IMPA2: variants seen among roughly 807,000 people sequenced by gnomAD.
IMPA2 encodes IMP 2.
IMPA2 carries 32 observed loss-of-function variants against 35.1 expected under a neutral mutation model. The ratio of observed to expected loss-of-function variants is 0.91; its 90% CI spans 0.69 to 1.23. IMPA2 has a LOEUF of 1.23. IMPA2 is among the 50% of genes most tolerant of loss of function. The pLI, the probability that IMPA2 is intolerant of heterozygous loss-of-function variation, is 0.00. For synonymous variants in IMPA2, 135 were observed against 160.6 expected (o/e 0.84, Z 1.20); for missense variants, 334 against 387.6 (o/e 0.86, Z 1.16).
chr18:11,992,520 A>G (rs62099892), intron 1 of IMPA2, among the ~76,000 whole-genome samples: 9,113 of 152,226 alleles, frequency 0.06, 364 homozygotes, highest in Non-Finnish European at 0.089. Flanking sequence ...TTAGCCTAGG[A>G]TGTCTCTGAA....
chr18:12,020,540 A>AT (rs1199646899), intron 5 of IMPA2, among the ~76,000 whole-genome samples: 1 of 151,844 alleles, frequency 6.6e-6, no homozygotes, highest in Non-Finnish European at 1.5e-5. Context: ...AGTTTTTAAT[A>AT]TTTTTTTTAT....
chr18:12,004,620 T>C (rs775542754), intron 2 of IMPA2, among the ~76,000 whole-genome samples: 1 of 150,820 alleles, frequency 6.6e-6, no homozygotes, highest in Non-Finnish European at 1.5e-5. Flanking sequence ...AACCTCCGCC[T>C]CCCGGGTTCA....
chr18:12,021,826 C>T (rs9635827), intron 5 of IMPA2: 17,891 of 152,146 alleles, frequency 0.12, 1,531 homozygotes, highest in East Asian at 0.42. Context: ...CTCATGAGTA[C>T]GTATTTCAGT....
intron 4 of IMPA2, among the ~76,000 whole-genome samples, chr18:12,013,293 G>A (rs1907484392): frequency 6.6e-6 from 1 of 152,204 alleles, no homozygotes; most frequent in Non-Finnish European, 1.5e-5. Flanking sequence ...GGAACCAGCC[G>A]AATTCTAGGA....
chr18:11,989,061 G>T (rs965682066), intron 1 of IMPA2, among the ~76,000 whole-genome samples: 1 of 152,094 alleles, frequency 6.6e-6, no homozygotes, highest in Non-Finnish European at 1.5e-5. Context: ...CCAAGCTGAC[G>T]GCAGAGATGC....
intron 1 of IMPA2, among the ~76,000 whole-genome samples, chr18:11,983,487 CAG>C (rs771800039): frequency 2.6e-5 from 4 of 152,104 alleles, no homozygotes; most frequent in Admixed American, 6.5e-5. Context: ...CTTGAAGAAA[CAG>C]AAGATTTTAA....
chr18:11,998,391 G>A (rs1056796043), intron 1 of IMPA2, among the ~76,000 whole-genome samples: 3 of 152,186 alleles, frequency 2.0e-5, no homozygotes, highest in Non-Finnish European at 4.4e-5. Flanking sequence ...CGGAGCCTGT[G>A]TCGGAGCTCA....
intron 2 of IMPA2, 46 bp downstream of exon 2, chr18:11,999,233 C>A: frequency 6.3e-7 from 1 of 1,578,600 alleles, no homozygotes; most frequent in Non-Finnish European, 8.6e-7. Context: ...CCTGGCCACA[C>A]TCATAGAGAA....
chr18:11,983,118 G>A (rs754209840), intron 1 of IMPA2, among the ~76,000 whole-genome samples: 1 of 151,432 alleles, frequency 6.6e-6, no homozygotes, highest in Non-Finnish European at 1.5e-5. Context: ...GCCTCAGACC[G>A]TAAAGAATGA....
At chr18:12,024,556 G>A (rs548914036) in intron 5 of IMPA2, among the ~76,000 whole-genome samples, 2 of 152,058 alleles carry the variant, frequency 1.3e-5, no homozygotes, top group African/African-American at 4.8e-5. Context: ...AAATAGGGTG[G>A]GATTAGACAA....
In IMPA2 at chr18:12,030,708, C is replaced by G; in HGVS notation, c.*250C>G. On this transcript the variant is annotated 3_prime_UTR_variant, in exon 8 of 8. Transcript: ENST00000269159. Reference sequence around the variant, plus strand: ...TTCAGGTTAGTACGTGTTCTTCTGTCAGGGCCAAAACTCAAATCTCCTGTG... The same window carrying G: ...TTCAGGTTAGTACGTGTTCTTCTGTGAGGGCCAAAACTCAAATCTCCTGTG... 1 of 473,136 alleles carries G rather than the reference C, an allele frequency of 2.1e-6. No homozygotes were observed. Among genetic ancestry groups the G allele is most frequent in the South Asian group, 2.9e-5 (1 of 34,788 alleles). The allele number at this position is 473,136 out of a possible 1,614,324, so 29.3% of individuals were successfully genotyped here.
At chr18:11,997,994 C>G (rs1190836641) in intron 1 of IMPA2, among the ~76,000 whole-genome samples, 1 of 152,032 alleles carries the variant, frequency 6.6e-6, no homozygotes, top group Non-Finnish European at 1.5e-5. Context: ...ATAGCAAGAC[C>G]CTGTCTCTTC....
intron 2 of IMPA2, among the ~76,000 whole-genome samples, chr18:12,003,686 A>T (rs1210884057): frequency 7.4e-6 from 1 of 135,076 alleles, no homozygotes; most frequent in Admixed American, 7.5e-5. Flanking sequence ...AAAAAAAAAA[A>T]GGCAGCATGG....
chr18:12,028,373 T>A (rs1184041496), intron 6 of IMPA2: 4 of 553,256 alleles, frequency 7.2e-6, no homozygotes, highest in African/African-American at 5.6e-5. Flanking sequence ...TTGCTTCTGA[T>A]CAGAATCCAT....
intron 2 of IMPA2, among the ~76,000 whole-genome samples, chr18:12,009,610 T>TGCTGG (rs1907375966): frequency 6.6e-6 from 1 of 152,166 alleles, no homozygotes; most frequent in African/African-American, 2.4e-5. Flanking sequence ...CGCTTGCATT[T>TGCTGG]CTCTGCCTGG....
At chr18:12,017,829 T>C (rs1301211145) in intron 5 of IMPA2, 4 of 341,380 alleles carry the variant, frequency 1.2e-5, no homozygotes, top group South Asian at 8.7e-5. Flanking sequence ...TGACCTCAAG[T>C]GAGCCTTTTG....
At chr18:12,005,681 A>G (rs1207220857) in intron 2 of IMPA2, among the ~76,000 whole-genome samples, 1 of 152,118 alleles carries the variant, frequency 6.6e-6, no homozygotes, top group Non-Finnish European at 1.5e-5. Flanking sequence ...TGGCGAATGA[A>G]CAGACAGAGC....
intron 1 of IMPA2, among the ~76,000 whole-genome samples, chr18:11,985,674 C>G: frequency 6.6e-6 from 1 of 152,158 alleles, no homozygotes; most frequent in East Asian, 1.9e-4. Context: ...CTGTGTCCAC[C>G]TCATGTGCTC....
intron 5 of IMPA2, among the ~76,000 whole-genome samples, chr18:12,014,799 A>G (rs1429777200): frequency 1.3e-5 from 2 of 152,234 alleles, no homozygotes; most frequent in Non-Finnish European, 1.5e-5. Context: ...AACTGGCTTC[A>G]GCTTCTGTGA....
Sources: allele counts gnomAD v4.1 joint callset (sites outside exome capture counted in the v4.1 genomes callset), GRCh38; gene constraint gnomAD v4.1.1; transcripts MANE v1.5; gene names NCBI Gene and HGNC (gene_info 2026-07-23, HGNC 2026-07-21).